LRIF1: variants seen among roughly 807,000 people sequenced by gnomAD.
LRIF1 encodes the protein ligand dependent nuclear receptor interacting factor 1.
LRIF1 carries 32 observed loss-of-function variants against 52.7 expected under a neutral mutation model. The observed-to-expected ratio is 0.61, with a 90% CI of 0.46 to 0.82. The LOEUF is 0.82. LRIF1 is among the 40% of genes least tolerant of loss of function. The pLI, the probability that LRIF1 is intolerant of heterozygous loss-of-function variation, is 0.00. For synonymous variants in LRIF1, 323 were observed against 317.4 expected, an observed-to-expected ratio of 1.02 and a Z score of -0.19; for missense variants, 887 against 892.0, an observed-to-expected ratio of 0.99 and a Z score of 0.07.
the LRIF1 span, among the ~76,000 whole-genome samples, chr1:110,923,774 A>G: frequency 4.6e-5 from 7 of 152,302 alleles, no homozygotes; most frequent in South Asian, 1.2e-3. Flanking sequence ...CTAAATTCAT[A>G]TATTAGAAGA....
the LRIF1 span, among the ~76,000 whole-genome samples, chr1:110,935,400 T>TA: frequency 1.3e-5 from 2 of 152,162 alleles, no homozygotes; most frequent in Non-Finnish European, 2.9e-5. Context: ...ACACAGAATT[T>TA]AAAATAGCTG....
At chr1:110,880,610 C>T in the LRIF1 span, among the ~76,000 whole-genome samples, 1 of 152,164 alleles carries the variant, frequency 6.6e-6, no homozygotes, top group Admixed American at 6.5e-5. Context: ...AGTTATTTTC[C>T]TATGTCCAAA....
At chr1:110,945,165 G>A (rs2101099010), downstream of LRIF1, 1 of 152,216 alleles carries the variant, frequency 6.6e-6, no homozygotes, top group East Asian at 1.9e-4. Flanking sequence ...TTACAGGTAT[G>A]AGTATGCCAG....
rs561667661 is a variant in LRIF1 at position 110,955,054 on chromosome 1, C to CAA, written c.69-2241_69-2240dup. Among the ~76,000 whole-genome samples, 9 of 152,272 alleles carry CAA rather than the reference C, an allele frequency of 5.9e-5. No homozygotes were observed. In the South Asian group the frequency reaches 1.9e-3, roughly 32 times the overall value. On this transcript the variant is annotated intron_variant, in intron 1 of 3. Coordinates refer to ENST00000369763, the MANE Select transcript of LRIF1 (RefSeq NM_018372.4). ...TCTTTGAAATTTAGGCTTATACATC[C>CAA]AAATTCCCTTTTAACATTTTCATTC...
the LRIF1 span, chr1:110,942,098 T>C: frequency 6.6e-6 from 1 of 152,144 alleles, no homozygotes; most frequent in Non-Finnish European, 1.5e-5. Context: ...CTGCATGACA[T>C]GCTATAGTTT....
chr1:110,925,424 T>C, the LRIF1 span, among the ~76,000 whole-genome samples: 1 of 152,030 alleles, frequency 6.6e-6, no homozygotes, highest in African/African-American at 2.4e-5. Flanking sequence ...TCTCTCTCTC[T>C]CTCTTCACAC....
chr1:110,926,935 T>G, the LRIF1 span, among the ~76,000 whole-genome samples: 4 of 152,254 alleles, frequency 2.6e-5, no homozygotes, highest in African/African-American at 7.2e-5. Flanking sequence ...AGAGAAAGAC[T>G]AGAAAATAAA....
the LRIF1 span, among the ~76,000 whole-genome samples, chr1:110,909,158 T>A: frequency 6.6e-6 from 1 of 152,124 alleles, no homozygotes; most frequent in African/African-American, 2.4e-5. Flanking sequence ...TAAAATCCAT[T>A]TCAGGCAAGC....
chr1:110,877,275 T>G, the LRIF1 span, among the ~76,000 whole-genome samples: 1 of 152,204 alleles, frequency 6.6e-6, no homozygotes, highest in African/African-American at 2.4e-5. Context: ...TTCAGGTTAT[T>G]TAAATTTTTG....
At position 110,950,970 on chromosome 1, in the gene LRIF1, T is replaced by C. The variant is rs578002842; in HGVS notation, c.1596+318A>G. On this transcript the variant is annotated intron_variant, in intron 2 of 3. Transcript: ENST00000369763. ...GTATATACATATACTCACATATTTT[T>C]ACTAAGCTTTGAATTCACATTATCC... Among the ~76,000 whole-genome samples the C allele has an allele frequency of 8.3e-4, 127 of 152,290 alleles. No individual in the cohort carries two copies. The South Asian group carries it at 0.018, about 21-fold the overall frequency.
At chr1:110,885,827 G>A in the LRIF1 span, among the ~76,000 whole-genome samples, 1 of 152,086 alleles carries the variant, frequency 6.6e-6, no homozygotes, top group Non-Finnish European at 1.5e-5. Flanking sequence ...TCACACCACT[G>A]CACTCCAGCC....
chr1:110,902,495 T>TAAAAAAAAAAAAAAAAAAAAAAA, the LRIF1 span, among the ~76,000 whole-genome samples: 15 of 72,650 alleles, frequency 2.1e-4, no homozygotes, highest in Admixed American at 2.7e-4. Flanking sequence ...AATCAATCAC[T>TAAAAAAAAAAAAAAAAAAAAAAA]AAAAAAAAAA....
the LRIF1 span, among the ~76,000 whole-genome samples, chr1:110,930,746 C>A: frequency 1.3e-5 from 2 of 152,090 alleles, no homozygotes; most frequent in Non-Finnish European, 2.9e-5. Flanking sequence ...GGCAAGACTA[C>A]CACAATATGC....
chr1:110,944,540 G>C (rs1658157870), downstream of LRIF1: 1 of 152,208 alleles, frequency 6.6e-6, no homozygotes, highest in African/African-American at 2.4e-5. Context: ...CGTGGACTGA[G>C]TCCTCAGGTG....
chr1:110,947,975 T>TTA lies in LRIF1; in HGVS notation c.2293_2294insTA (p.Lys765IlefsTer20). The TTA allele has an allele frequency of 6.3e-7, 1 of 1,576,594 alleles. No individual in the cohort carries two copies. The highest frequency in any genetic ancestry group is 8.6e-7 in the Non-Finnish European group (1 of 1,165,250). On this transcript the variant is annotated frameshift_variant, in exon 4 of 4. Coordinates refer to ENST00000369763, the MANE Select transcript of LRIF1 (RefSeq NM_018372.4). LOFTEE classifies it high-confidence loss of function. Reference sequence around the variant, plus strand: ...CAGGAGATTTTATTTTTGGTGCATCTTCTTACGCATTTCTTCAAGAGCTGC... The same window carrying TTA: ...CAGGAGATTTTATTTTTGGTGCATCTTATCTTACGCATTTCTTCAAGAGCTGC...
chr1:110,963,011 T>C (rs868398970), intron 1 of LRIF1, among the ~76,000 whole-genome samples: 1 of 152,080 alleles, frequency 6.6e-6, no homozygotes, highest in Non-Finnish European at 1.5e-5. Flanking sequence ...TCATGCCAAA[T>C]ATAAATAGCC....
At chr1:110,915,812 G>A in the LRIF1 span, among the ~76,000 whole-genome samples, 1 of 152,010 alleles carries the variant, frequency 6.6e-6, no homozygotes, top group East Asian at 1.9e-4. Context: ...TCACACAAGG[G>A]TAAAAAATTT....
chr1:110,950,679 C>T (rs1281803454), intron 2 of LRIF1, among the ~76,000 whole-genome samples: 1 of 151,636 alleles, frequency 6.6e-6, no homozygotes, highest in East Asian at 1.9e-4. Flanking sequence ...GGGTAACTGG[C>T]TGAGGAGTCA....
At chr1:110,949,257 T>C (rs999701025) in intron 3 of LRIF1, among the ~76,000 whole-genome samples, 2 of 151,848 alleles carry the variant, frequency 1.3e-5, no homozygotes, top group Non-Finnish European at 2.9e-5. Context: ...TAGTTGGGAC[T>C]ACAGGTGCGT....
Sources: allele counts gnomAD v4.1 joint callset (sites outside exome capture counted in the v4.1 genomes callset), GRCh38; gene constraint gnomAD v4.1.1; transcripts MANE v1.5; gene names NCBI Gene and HGNC (gene_info 2026-07-23, HGNC 2026-07-21).